SART3: variants seen among roughly 807,000 people sequenced by gnomAD.
The protein encoded by SART3 is HIV-1 Tat-interacting protein of 110kDa.
SART3 carries 44 observed loss-of-function variants against 122.3 expected under a neutral mutation model. The ratio of observed to expected loss-of-function variants is 0.36; its 90% CI spans 0.28 to 0.46. The LOEUF (loss-of-function observed/expected upper bound fraction) is 0.46, where lower values mean the gene tolerates loss of function less well. Among genes scored for constraint, SART3 ranks in the 20% least tolerant of loss-of-function variants. The probability of loss-of-function intolerance (pLI) is 1.00; values close to 1 mark genes in which losing one functional copy is unlikely to be tolerated. For synonymous variants in SART3, 442 were observed against 454.0 expected, an observed-to-expected ratio of 0.97 and a Z score of 0.34; for missense variants, 1,101 against 1,229.0, an observed-to-expected ratio of 0.90 and a Z score of 1.56.
chr12:108,549,045 C>G, intron 2 of SART3, 43 bp downstream of exon 2: 3 of 1,613,594 alleles, frequency 1.9e-6, no homozygotes, highest in East Asian at 4.5e-5. Flanking sequence ...AATGTGCAAG[C>G]CTTGTTTCTG....
intron 16 of SART3, chr12:108,525,888 C>T: frequency 1.6e-6 from 1 of 622,080 alleles, no homozygotes; most frequent in Non-Finnish European, 2.8e-6. Context: ...AGCACAGTCC[C>T]TTGTCATTGC....
chr12:108,539,193 C>G, intron 6 of SART3, 104 bp from the exon 7 acceptor site: 1 of 1,163,810 alleles, frequency 8.6e-7, no homozygotes, highest in Non-Finnish European at 1.2e-6. Flanking sequence ...AACTATGAAT[C>G]GCCAAATCCT....
chr12:108,560,656 G>A lies in SART3; in HGVS notation c.312+187C>T, dbSNP rs192828316. 1,829 of 554,838 alleles carry A rather than the reference G, an allele frequency of 3.3e-3. 9 individuals carry two copies. Among genetic ancestry groups the A allele is most frequent in the Non-Finnish European group, 4.8e-3 (1,530 of 316,584 alleles). The allele number at this position is 554,838 out of a possible 1,614,324, so 34.4% of individuals were successfully genotyped here. A position where few individuals can be genotyped will look rare whatever the true frequency, so the allele number is the denominator to read the frequency against. The stretch of plus-strand genomic sequence containing the variant: ...CACAGGGTCGTGGCGAGGATTCAAT[G>A]AGATAACGTTTGCAAGGCAATGGGC... On this transcript the variant is annotated intron_variant, in intron 1 of 18. Transcript: ENST00000546815.
At chr12:108,529,950 C>G (rs1255173235) in intron 15 of SART3, among the ~76,000 whole-genome samples, 192 bp downstream of exon 15, 2 of 152,176 alleles carry the variant, frequency 1.3e-5, no homozygotes, top group African/African-American at 2.4e-5. Context: ...CATTGCTAAC[C>G]CCGGCTCTGA....
In SART3 at chr12:108,561,032, C is replaced by A. The variant is rs780934396; in HGVS notation, c.123G>T (p.Arg41=). 1 of 1,614,186 alleles carries A rather than the reference C, an allele frequency of 6.2e-7. No individual in the cohort carries two copies. Among genetic ancestry groups the A allele is most frequent in the East Asian group, 2.2e-5 (1 of 44,878 alleles). ...AARTRRKVLS[R]AVAAATYKTM... Reference sequence around the variant, plus strand: ...TCTTGTATGTCGCAGCGGCCACAGCCCGCGATAACACCTTCCTCCTTGTCC... The same window carrying A: ...TCTTGTATGTCGCAGCGGCCACAGCACGCGATAACACCTTCCTCCTTGTCC... The change falls in exon 1 of 19, where the codon CGG becomes CGT. Residue 41 remains arginine, a synonymous_variant. Transcript: ENST00000546815.
chr12:108,553,711 T>C (rs968103404), intron 1 of SART3, among the ~76,000 whole-genome samples: 1 of 152,188 alleles, frequency 6.6e-6, no homozygotes, highest in African/African-American at 2.4e-5. Context: ...ATCTTAACAA[T>C]GAAGTAGCCA....
intron 12 of SART3, among the ~76,000 whole-genome samples, chr12:108,533,478 T>C (rs1233636537): frequency 6.6e-6 from 1 of 151,698 alleles, no homozygotes; most frequent in Non-Finnish European, 1.5e-5. Flanking sequence ...GAAAGGAAAC[T>C]TGAGTGACAA....
chr12:108,561,142 C>T lies in SART3; in HGVS notation c.13G>A (p.Ala5Thr). The change falls in exon 1 of 19, where the codon GCC becomes ACC. Residue 5 changes from alanine to threonine, a missense_variant. Transcript: ENST00000546815. Reference protein sequence around the residue: MATAAETSASEPEAE... With the variant: MATATETSASEPEAE... The stretch of plus-strand genomic sequence containing the variant: ...TCGGGTTCTGAAGCCGAGGTTTCGG[C>T]CGCAGTCGCCATCTTGCGCTTCTAA... 6.2e-7 allele frequency: 1 copy of T among 1,613,334 alleles called. No homozygotes were observed. The highest frequency in any genetic ancestry group is 8.5e-7 in the Non-Finnish European group (1 of 1,179,282).
At chr12:108,541,536 C>T (rs1480915301) in intron 6 of SART3, among the ~76,000 whole-genome samples, 1 of 151,962 alleles carries the variant, frequency 6.6e-6, no homozygotes, top group Non-Finnish European at 1.5e-5. Context: ...GGAAATGGGT[C>T]AAAGACTTTT....
chr12:108,549,163 G>A lies in SART3; in HGVS notation c.364C>T (p.Leu122Phe). ...YNCHVDLIRLLRLEGELTKVR... is the reference protein window; with the variant it reads ...YNCHVDLIRLFRLEGELTKVR... ...TTGGTAAGCTCCCCTTCCAGCCTGA[G>A]CAGTCTGATCAAGTCCACATGGCAG... Residue 122 changes from leucine (L) to phenylalanine (F), a missense_variant, in exon 2 of 19, where the codon CTC becomes TTC. By Grantham distance (22) the Leu-to-Phe change is conservative. This residue lies in a region of SART3 where 885 missense variants were observed against 1,080.1 expected (regional missense o/e 0.82). Transcript: ENST00000546815. 6.2e-7 allele frequency: 1 copy of A among 1,614,166 alleles called. No homozygotes were observed. Among genetic ancestry groups the A allele is most frequent in the Non-Finnish European group, 8.5e-7 (1 of 1,180,018 alleles).
At chr12:108,559,425 G>C (rs1487981506) in intron 1 of SART3, among the ~76,000 whole-genome samples, 16 of 152,168 alleles carry the variant, frequency 1.1e-4, no homozygotes, top group Admixed American at 5.2e-4. Flanking sequence ...CAGCACTACG[G>C]GAGGCCAAGG....
intron 7 of SART3, 49 bp downstream of exon 7, chr12:108,538,885 T>C: frequency 1.2e-6 from 2 of 1,611,682 alleles, no homozygotes; most frequent in Non-Finnish European, 1.7e-6. Flanking sequence ...TGATTTTAAG[T>C]AGATTCTAAA....
intron 6 of SART3, among the ~76,000 whole-genome samples, chr12:108,540,970 A>C (rs976421758): frequency 6.6e-6 from 1 of 152,246 alleles, no homozygotes. Flanking sequence ...TATGAAACAG[A>C]AAACTATAAA....
In SART3 at chr12:108,526,388, T is replaced by C; in HGVS notation, c.2081A>G (p.Lys694Arg). ...GTCCTTGCTGCTGTCGTGCAGCACC[T>C]TGGGCATGTCCCTCTTCAGGGAGGC... ...KAASLKRDMP[K>R]VLHDSSKDSI... Residue 694 changes from lysine to arginine, a missense_variant, in exon 16 of 19, where the codon AAG (lysine) becomes AGG (arginine). Around this residue, in one of 2 missense-constraint regions of SART3, gnomAD observed 885 missense variants for 1,080.1 expected, o/e 0.82. Coordinates refer to ENST00000546815, the MANE Select transcript of SART3 (RefSeq NM_014706.4). 1 of 1,614,102 alleles carries C rather than the reference T, an allele frequency of 6.2e-7. No individual in the cohort carries two copies. The highest frequency in any genetic ancestry group is 8.5e-7 in the Non-Finnish European group (1 of 1,179,938).
intron 1 of SART3, among the ~76,000 whole-genome samples, chr12:108,552,307 C>T (rs1482323995): frequency 6.6e-6 from 1 of 151,992 alleles, no homozygotes; most frequent in Non-Finnish European, 1.5e-5. Flanking sequence ...AAATCAAGAA[C>T]AAGGCAAGGA....
At chr12:108,531,336 A>T in intron 13 of SART3, 56 bp from the exon 14 acceptor site, 2 of 1,432,392 alleles carry the variant, frequency 1.4e-6, no homozygotes, top group Non-Finnish European at 2.0e-6. Flanking sequence ...GGATACAATC[A>T]CATAAATTTT....
At position 108,528,031 on chromosome 12, in the gene SART3, C is replaced by T. The variant is rs909656332; in HGVS notation, c.1916-1478G>A. Among the ~76,000 whole-genome samples, 3 of 152,164 alleles carry T rather than the reference C, an allele frequency of 2.0e-5. No individual in the cohort carries two copies. The East Asian group carries it at 5.8e-4, about 29-fold the overall frequency. On this transcript the variant is annotated intron_variant, in intron 15 of 18. Coordinates refer to ENST00000546815, the MANE Select transcript of SART3 (RefSeq NM_014706.4). ...CCGCCCACCTCAGCCTCCCAGAGTG[C>T]TGGGATTACAGGCATGAGCTACCGC... is the stretch of plus-strand genomic sequence containing the variant.
chr12:108,544,348 A>C (rs1050351516), intron 5 of SART3, 79 bp downstream of exon 5: 86 of 1,218,842 alleles, frequency 7.1e-5, no homozygotes, highest in Non-Finnish European at 1.0e-4. Flanking sequence ...GATGGTGGGA[A>C]AGGTCTAACT....
At chr12:108,527,623 C>T (rs2136663198) in intron 15 of SART3, among the ~76,000 whole-genome samples, 1 of 152,350 alleles carries the variant, frequency 6.6e-6, no homozygotes, top group East Asian at 1.9e-4. Context: ...GAGCCATCCT[C>T]AGTCATTTAG....
Sources: gnomAD v4.1 joint callset for allele counts (sites outside exome capture counted in the v4.1 genomes callset) on GRCh38, gnomAD v4.1.1 for gene constraint, gnomAD v4.1.1 regional missense constraint, MANE v1.5 for transcripts, NCBI Gene and HGNC (gene_info 2026-07-23, HGNC 2026-07-21) for gene names.